GUCY1A2: variants seen among roughly 807,000 people sequenced by gnomAD.
The protein encoded by GUCY1A2 is guanylate cyclase soluble subunit alpha-2.
A neutral mutation model predicts 63.5 loss-of-function variants in GUCY1A2; 27 were observed. That is an observed-to-expected ratio of 0.43 (90% CI 0.31 to 0.59). The LOEUF is 0.59. GUCY1A2 is among the 20% of genes least tolerant of loss of function. The pLI, the probability that GUCY1A2 is intolerant of heterozygous loss-of-function variation, is 0.11. For missense variants in GUCY1A2, 768 were observed against 913.3 expected (o/e 0.84, Z 2.05); for synonymous variants, 364 against 343.5 (o/e 1.06, Z -0.66).
chr11:106,695,825 G>T (rs573348927), intron 7 of GUCY1A2, among the ~76,000 whole-genome samples: 1 of 152,242 alleles, frequency 6.6e-6, no homozygotes, highest in Admixed American at 6.5e-5. Context: ...GCGTTTTAAG[G>T]TTGCAAATAT....
chr11:106,942,334 T>TA (rs1201861352), intron 3 of GUCY1A2, among the ~76,000 whole-genome samples: 2 of 152,312 alleles, frequency 1.3e-5, no homozygotes, highest in East Asian at 3.9e-4. Flanking sequence ...CTTCCTTCAC[T>TA]AAAACTTCTT....
intron 3 of GUCY1A2, among the ~76,000 whole-genome samples, chr11:106,971,616 G>C (rs1455233285): frequency 1.3e-5 from 2 of 152,036 alleles, no homozygotes; most frequent in Non-Finnish European, 2.9e-5. Context: ...ATATGGTAAT[G>C]GAGTAAAGTT....
chr11:106,839,415 C>A (rs1339708611), intron 4 of GUCY1A2, among the ~76,000 whole-genome samples: 1 of 151,548 alleles, frequency 6.6e-6, no homozygotes, highest in Non-Finnish European at 1.5e-5. Flanking sequence ...TTGGTGGGAC[C>A]GTAAACCAGT....
At chr11:106,873,532 T>A (rs960004590) in intron 4 of GUCY1A2, among the ~76,000 whole-genome samples, 6 of 152,192 alleles carry the variant, frequency 3.9e-5, no homozygotes, top group Non-Finnish European at 8.8e-5. Flanking sequence ...GATGTTGAAC[T>A]TTTTTCATAT....
intron 6 of GUCY1A2, among the ~76,000 whole-genome samples, chr11:106,725,129 G>A (rs191223635): frequency 8.2e-6 from 1 of 122,064 alleles, no homozygotes; most frequent in African/African-American, 2.9e-5. Context: ...ATATTTCTAT[G>A]TATCTTCTTA....
intron 4 of GUCY1A2, among the ~76,000 whole-genome samples, chr11:106,817,339 G>T (rs1858845504): frequency 1.3e-5 from 2 of 152,142 alleles, no homozygotes; most frequent in Middle Eastern, 3.4e-3. Flanking sequence ...AGGACCTCCA[G>T]CAAAAATAGC....
intron 6 of GUCY1A2, among the ~76,000 whole-genome samples, chr11:106,747,470 G>C (rs1248937555): frequency 6.6e-6 from 1 of 152,146 alleles, no homozygotes; most frequent in Non-Finnish European, 1.5e-5. Flanking sequence ...CTATACTGGA[G>C]GATCTACTGC....
chr11:106,760,387 G>A (rs1421176720), intron 6 of GUCY1A2, among the ~76,000 whole-genome samples: 1 of 152,154 alleles, frequency 6.6e-6, no homozygotes, highest in Non-Finnish European at 1.5e-5. Context: ...GCTATGATGA[G>A]TTTGGAGGCA....
intron 5 of GUCY1A2, among the ~76,000 whole-genome samples, chr11:106,781,949 C>T (rs1449716082): frequency 6.6e-6 from 1 of 152,156 alleles, no homozygotes; most frequent in Non-Finnish European, 1.5e-5. Context: ...ATTCCCATAA[C>T]ATTTTTCTCC....
chr11:106,854,572 G>T (rs185136424), intron 4 of GUCY1A2, among the ~76,000 whole-genome samples: 1 of 152,144 alleles, frequency 6.6e-6, no homozygotes, highest in African/African-American at 2.4e-5. Context: ...CACGTAAGGC[G>T]GACGAACCCT....
intron 5 of GUCY1A2, among the ~76,000 whole-genome samples, chr11:106,807,442 T>C (rs1224117284): frequency 6.6e-6 from 1 of 152,198 alleles, no homozygotes; most frequent in East Asian, 1.9e-4. Flanking sequence ...ACTAATATCA[T>C]TTTGTCTTTC....
chr11:106,705,824 C>T (rs553081484), intron 7 of GUCY1A2, among the ~76,000 whole-genome samples: 146 of 152,158 alleles, frequency 9.6e-4, no homozygotes, highest in Admixed American at 2.2e-3. Flanking sequence ...TGTGCCACTG[C>T]ACTCCATCCT....
At chr11:106,957,645 C>T (rs1591343373) in intron 3 of GUCY1A2, among the ~76,000 whole-genome samples, 1 of 151,888 alleles carries the variant, frequency 6.6e-6, no homozygotes, top group Non-Finnish European at 1.5e-5. Flanking sequence ...AACCTGAATA[C>T]CTTGGTTGCT....
chr11:107,006,498 A>C (rs1228176548), intron 1 of GUCY1A2, among the ~76,000 whole-genome samples: 1 of 152,220 alleles, frequency 6.6e-6, no homozygotes, highest in Non-Finnish European at 1.5e-5. Flanking sequence ...TTCAAGGAAA[A>C]CAAGACAAGC....
chr11:106,907,639 A>G (rs1196766610), intron 4 of GUCY1A2, among the ~76,000 whole-genome samples: 1 of 151,972 alleles, frequency 6.6e-6, no homozygotes, highest in South Asian at 2.1e-4. Flanking sequence ...CCCACCTATG[A>G]GTGAGAACAT....
At chr11:106,969,174 T>C (rs1471999720) in intron 3 of GUCY1A2, among the ~76,000 whole-genome samples, 1 of 152,170 alleles carries the variant, frequency 6.6e-6, no homozygotes, top group Non-Finnish European at 1.5e-5. Context: ...TTGTGACACA[T>C]AAAACTCTAC....
intron 1 of GUCY1A2, among the ~76,000 whole-genome samples, chr11:107,003,283 T>C (rs1250673983): frequency 2.0e-5 from 3 of 152,168 alleles, no homozygotes; most frequent in African/African-American, 7.2e-5. Context: ...ACCTCAATCA[T>C]ACTGGATTTG....
chr11:106,864,552 G>C (rs562369487), intron 4 of GUCY1A2, among the ~76,000 whole-genome samples: 7 of 152,122 alleles, frequency 4.6e-5, no homozygotes, highest in African/African-American at 1.2e-4. Context: ...ATGGGCGATG[G>C]GTTTGTCATA....
intron 5 of GUCY1A2, among the ~76,000 whole-genome samples, chr11:106,807,450 T>C (rs1269293639): frequency 6.6e-6 from 1 of 152,196 alleles, no homozygotes; most frequent in African/African-American, 2.4e-5. Flanking sequence ...CATTTTGTCT[T>C]TCCCTCTCTG....
Sources: gnomAD v4.1 joint callset for allele counts (sites outside exome capture counted in the v4.1 genomes callset) on GRCh38, gnomAD v4.1.1 for gene constraint, MANE v1.5 for transcripts, NCBI Gene and HGNC (gene_info 2026-07-23, HGNC 2026-07-21) for gene names.